Variants in ADD3 observed in about 807,000 individuals in gnomAD.
ADD3 encodes gamma-adducin.
A neutral mutation model predicts 80.2 loss-of-function variants in ADD3; 25 were observed. The observed-to-expected ratio is 0.31, with a 90% CI of 0.23 to 0.44. ADD3 has a LOEUF of 0.44. ADD3 is among the 20% of genes least tolerant of loss of function. The pLI is 1.00. For synonymous variants in ADD3, 284 were observed against 289.6 expected (o/e 0.98, Z 0.20); for missense variants, 829 against 847.5 (o/e 0.98, Z 0.27).
At chr10:110,021,013 A>G (rs1853611211) in intron 1 of ADD3, among the ~76,000 whole-genome samples, 1 of 151,282 alleles carries the variant, frequency 6.6e-6, no homozygotes, top group East Asian at 2.0e-4. Context: ...CCGACTATAT[A>G]AACTTGTGAG....
chr10:110,110,857 T>C (rs1849926484), intron 2 of ADD3, among the ~76,000 whole-genome samples: 1 of 152,198 alleles, frequency 6.6e-6, no homozygotes, highest in African/African-American at 2.4e-5. Context: ...TAGCCGGGCA[T>C]GGTTGTGCAC....
chr10:110,112,086 C>G (rs1850101076), intron 2 of ADD3: 1 of 151,856 alleles, frequency 6.6e-6, no homozygotes, highest in Admixed American at 6.6e-5. Context: ...TTGAATCACT[C>G]TGTATTCAAA....
intron 1 of ADD3, among the ~76,000 whole-genome samples, chr10:110,077,829 T>G (rs1845548160): frequency 6.6e-6 from 1 of 152,190 alleles, no homozygotes; most frequent in South Asian, 2.1e-4. Context: ...TGAGTTTCTC[T>G]TTGTACCTGA....
At chr10:110,018,417 A>T (rs550242829) in intron 1 of ADD3, among the ~76,000 whole-genome samples, 1 of 150,578 alleles carries the variant, frequency 6.6e-6, no homozygotes, top group Non-Finnish European at 1.5e-5. Context: ...AATCCCAGCT[A>T]CTTGGGAGGC....
intron 1 of ADD3, among the ~76,000 whole-genome samples, chr10:110,085,067 T>C (rs1431511216): frequency 6.6e-6 from 1 of 152,196 alleles, no homozygotes; most frequent in Non-Finnish European, 1.5e-5. Context: ...AGAAATAATT[T>C]TAATTCCCCC....
chr10:110,052,075 A>G (rs1446453179), intron 1 of ADD3, among the ~76,000 whole-genome samples: 1 of 152,204 alleles, frequency 6.6e-6, no homozygotes, highest in Non-Finnish European at 1.5e-5. Context: ...TTGAGATTAC[A>G]GGTGTGAGCC....
intron 1 of ADD3, among the ~76,000 whole-genome samples, chr10:110,063,997 C>A (rs925145146): frequency 5.9e-5 from 9 of 151,656 alleles, no homozygotes; most frequent in African/African-American, 2.2e-4. Context: ...TGGAATCATT[C>A]AATATCTACT....
intron 2 of ADD3, among the ~76,000 whole-genome samples, chr10:110,104,655 A>G (rs554452705): frequency 1.3e-5 from 2 of 152,334 alleles, no homozygotes; most frequent in South Asian, 4.1e-4. Context: ...TTCTCAGCTA[A>G]TTTGGGTAGA....
rs540277585 is a variant in ADD3 at position 110,134,788 on chromosome 10, G to C, written c.*1170G>C. On this transcript the variant is annotated 3_prime_UTR_variant, in exon 15 of 15. Coordinates refer to ENST00000356080, the MANE Select transcript of ADD3 (RefSeq NM_016824.5). ...GCAATGTCTTTCTTGGTTGATATTT[G>C]AGTTTTAAAAGGGTCAAATCTTTCT... The C allele has an allele frequency of 6.6e-6, 1 of 152,662 alleles. No homozygotes were observed. Among genetic ancestry groups the C allele is most frequent in the South Asian group, 2.1e-4 (1 of 4,824 alleles). 9.5% of individuals were successfully genotyped at this position (152,662 alleles called of 1,614,324 possible). A position where few individuals can be genotyped will look rare whatever the true frequency, so the allele number is the denominator to read the frequency against.
intron 1 of ADD3, among the ~76,000 whole-genome samples, chr10:110,012,881 G>T (rs1012614191): frequency 1.3e-5 from 2 of 151,992 alleles, no homozygotes; most frequent in African/African-American, 4.8e-5. Flanking sequence ...CTACAGGCAT[G>T]AGCCACAGGC....
chr10:110,119,701 A>G lies in ADD3; in HGVS notation c.960+137A>G, dbSNP rs967550334. On this transcript the variant is annotated intron_variant, in intron 8 of 14. Transcript: ENST00000356080. ...GAAGTTCTGCTCTACTTATGTAGGCAGGGTTTTCAACTCAGTTATCTCTTG... is the reference window on the plus strand; with the variant it reads ...GAAGTTCTGCTCTACTTATGTAGGCGGGGTTTTCAACTCAGTTATCTCTTG... The G allele has an allele frequency of 1.0e-5, 7 of 679,830 alleles. No individual in the cohort carries two copies. The African/African-American group carries it at 1.1e-4, about 11-fold the overall frequency. The allele number at this position is 679,830 out of a possible 1,614,324, so 42.1% of individuals were successfully genotyped here. A position where few individuals can be genotyped will look rare whatever the true frequency, so the allele number is the denominator to read the frequency against.
At chr10:110,052,941 TATAA>T (rs1857693092) in intron 1 of ADD3, among the ~76,000 whole-genome samples, 1 of 152,180 alleles carries the variant, frequency 6.6e-6, no homozygotes, top group Non-Finnish European at 1.5e-5. Flanking sequence ...TCTATGAAGA[TATAA>T]ATAATAATGA....
chr10:110,122,818 G>T (rs1851686999), intron 9 of ADD3, among the ~76,000 whole-genome samples: 1 of 151,480 alleles, frequency 6.6e-6, no homozygotes, highest in African/African-American at 2.4e-5. Context: ...TTTTTGTAGA[G>T]ATAGGGTTTC....
intron 1 of ADD3, among the ~76,000 whole-genome samples, chr10:110,068,615 C>G (rs1321598363): frequency 6.6e-6 from 1 of 152,040 alleles, no homozygotes; most frequent in African/African-American, 2.4e-5. Context: ...ATACACTGTC[C>G]AAAGAATTCA....
At chr10:110,047,561 A>G (rs1291950211) in intron 1 of ADD3, among the ~76,000 whole-genome samples, 8 of 152,232 alleles carry the variant, frequency 5.3e-5, no homozygotes, top group Non-Finnish European at 1.2e-4. Flanking sequence ...CCTGAAAACC[A>G]TTTTATAAAT....
chr10:110,085,623 G>T (rs1846632262), intron 1 of ADD3, among the ~76,000 whole-genome samples: 1 of 152,236 alleles, frequency 6.6e-6, no homozygotes, highest in South Asian at 2.1e-4. Context: ...CATATGCAAA[G>T]ATGTGAGCTA....
intron 1 of ADD3, among the ~76,000 whole-genome samples, chr10:110,034,552 G>GA (rs1855425007): frequency 1.3e-5 from 2 of 151,882 alleles, no homozygotes; most frequent in African/African-American, 4.8e-5. Context: ...GAGCTGAAAG[G>GA]AAAACCAAAG....
At chr10:110,040,607 T>C (rs1856193089) in intron 1 of ADD3, among the ~76,000 whole-genome samples, 1 of 152,116 alleles carries the variant, frequency 6.6e-6, no homozygotes, top group African/African-American at 2.4e-5. Flanking sequence ...CTGTGGGAAA[T>C]AGGGAGCCAA....
chr10:110,077,080 A>C (rs1333266107), intron 1 of ADD3: 1 of 152,256 alleles, frequency 6.6e-6, no homozygotes, highest in East Asian at 1.9e-4. Flanking sequence ...TTGCCACACA[A>C]AAACCAGCTT....
Sources: allele counts gnomAD v4.1 joint callset (sites outside exome capture counted in the v4.1 genomes callset), GRCh38; gene constraint gnomAD v4.1.1; transcripts MANE v1.5; gene names NCBI Gene and HGNC (gene_info 2026-07-23, HGNC 2026-07-21).